The following COLQ variants were observed in gnomAD, a reference collection of about 807,000 sequenced individuals.
COLQ encodes acetylcholinesterase collagenic tail peptide.
A neutral mutation model predicts 69.0 loss-of-function variants in COLQ; 48 were observed. The ratio of observed to expected loss-of-function variants is 0.70; its 90% CI spans 0.55 to 0.88. COLQ has a LOEUF of 0.88. Among genes scored for constraint, COLQ ranks in the 40% least tolerant of loss-of-function variants. The pLI, the probability that COLQ is intolerant of heterozygous loss-of-function variation, is 0.00. For synonymous variants in COLQ, 217 were observed against 211.2 expected (o/e 1.03, Z -0.24); for missense variants, 618 against 594.6 (o/e 1.04, Z -0.41).
At chr3:15,501,610 T>C (rs1460182723) in intron 1 of COLQ, among the ~76,000 whole-genome samples, 1 of 152,218 alleles carries the variant, frequency 6.6e-6, no homozygotes, top group Non-Finnish European at 1.5e-5. Flanking sequence ...TCGGCCAAGC[T>C]TTGGTCAGGT....
chr3:15,473,851 G>A lies in COLQ; in HGVS notation c.636+149C>T, dbSNP rs933837818. ...TGCCACCCTCTCCCCAGGGTGAAAAGCAACTTGCTTCCCGTCCCAAAATAG... is the reference window on the plus strand; with the variant it reads ...TGCCACCCTCTCCCCAGGGTGAAAAACAACTTGCTTCCCGTCCCAAAATAG... On this transcript the variant is annotated intron_variant, in intron 10 of 16. Coordinates refer to ENST00000383788, the MANE Select transcript of COLQ (RefSeq NM_005677.4). The surrounding 1 kb of genome is among the most constrained non-coding windows in gnomAD (Gnocchi z 4.0). The A allele has an allele frequency of 1.6e-5, 14 of 876,566 alleles. No homozygotes were observed. The highest frequency in any genetic ancestry group is 1.2e-4 in the African/African-American group (7 of 59,732). The allele number at this position is 876,566 out of a possible 1,614,324, so 54.3% of individuals were successfully genotyped here.
In COLQ at chr3:15,521,469, C is replaced by T. The variant is rs778924567; in HGVS notation, c.106+51G>A. The T allele has an allele frequency of 3.7e-6, 6 of 1,610,326 alleles. No homozygotes were observed. In the Admixed American group the frequency reaches 5.0e-5, roughly 13 times the overall value. ...ACATTGCAAAACAATCTTCCTTCCTCCCCCTGTCCCCTGACAGATGGAAGA... is the reference window on the plus strand; with the variant it reads ...ACATTGCAAAACAATCTTCCTTCCTTCCCCTGTCCCCTGACAGATGGAAGA... On this transcript the variant is annotated intron_variant, in intron 1 of 16. Transcript: ENST00000383788.
intron 12 of COLQ, among the ~76,000 whole-genome samples, chr3:15,461,776 G>T (rs1171200568): frequency 6.6e-6 from 1 of 152,068 alleles, no homozygotes; most frequent in Non-Finnish European, 1.5e-5. Flanking sequence ...TTAACCTGTG[G>T]TCTACAGAGG....
chr3:15,498,383 A>G (rs924936269), intron 1 of COLQ: 10 of 987,172 alleles, frequency 1.0e-5, no homozygotes, highest in Non-Finnish European at 1.3e-5. Context: ...GAAAAACTTA[A>G]AAAGAAAAAA....
chr3:15,478,899 C>T (rs2062427131), intron 5 of COLQ, 78 bp downstream of exon 5: 2 of 1,556,750 alleles, frequency 1.3e-6, no homozygotes, highest in Admixed American at 1.7e-5. Context: ...CATTGCTGTT[C>T]CCCCCTCCCT....
chr3:15,518,504 G>T (rs1220262066), intron 1 of COLQ, among the ~76,000 whole-genome samples: 1 of 152,172 alleles, frequency 6.6e-6, no homozygotes, highest in Non-Finnish European at 1.5e-5. Flanking sequence ...CTTTAGCGAT[G>T]GCATTTCTAT....
chr3:15,472,290 C>A (rs545537870), intron 10 of COLQ, among the ~76,000 whole-genome samples: 5 of 152,272 alleles, frequency 3.3e-5, no homozygotes, highest in Admixed American at 3.3e-4. Flanking sequence ...TTTAACACTT[C>A]CTTTAATTTG....
intron 1 of COLQ, among the ~76,000 whole-genome samples, chr3:15,515,870 C>T (rs988293985): frequency 6.6e-6 from 1 of 152,178 alleles, no homozygotes; most frequent in African/African-American, 2.4e-5. Flanking sequence ...TTTGGTGTCT[C>T]ATCGAAGCCA....
chr3:15,458,079 T>C, intron 13 of COLQ, 107 bp downstream of exon 13: 4 of 1,237,216 alleles, frequency 3.2e-6, no homozygotes, highest in South Asian at 2.4e-5. Context: ...GTACTCAGAG[T>C]CGTGAAAAAA....
At chr3:15,488,141 C>G (rs2062604539) in intron 3 of COLQ, 65 bp downstream of exon 3, 5 of 1,163,884 alleles carry the variant, frequency 4.3e-6, no homozygotes, top group Non-Finnish European at 6.4e-6. Flanking sequence ...CTAAGAGGCT[C>G]TGTGCAGTGG....
At chr3:15,517,982 G>A (rs921732133) in intron 1 of COLQ, among the ~76,000 whole-genome samples, 4 of 152,094 alleles carry the variant, frequency 2.6e-5, no homozygotes, top group African/African-American at 9.7e-5. Flanking sequence ...TTTCACTCTT[G>A]TTACCCAGGT....
intron 1 of COLQ, among the ~76,000 whole-genome samples, chr3:15,509,493 C>T (rs559954952): frequency 2.6e-5 from 4 of 152,330 alleles, no homozygotes; most frequent in Non-Finnish European, 5.9e-5. Flanking sequence ...GAGCTCCTGC[C>T]TGTGAACTTT....
rs56934790 is a variant in COLQ, at chr3:15,498,649, G to A, written c.107-9012C>T. On this transcript the variant is annotated intron_variant, in intron 1 of 16. Transcript: ENST00000383788. ...ACTAGCCGGAGACAGGCTGAGATTC[G>A]TCACGCCTCTGAGTGCTCCCAGTGC... 1,391 of 1,551,036 alleles carry A rather than the reference G, an allele frequency of 9.0e-4. 11 individuals are homozygous for A. The African/African-American group carries it at 0.016, about 17-fold the overall frequency.
At chr3:15,459,866 T>C (rs766834919) in intron 12 of COLQ, among the ~76,000 whole-genome samples, 20 of 152,040 alleles carry the variant, frequency 1.3e-4, no homozygotes, top group Non-Finnish European at 2.8e-4. Flanking sequence ...TACATATGTA[T>C]ACATGTGCTA....
At chr3:15,495,602 CA>C (rs1370638738) in intron 1 of COLQ, among the ~76,000 whole-genome samples, 1 of 152,174 alleles carries the variant, frequency 6.6e-6, no homozygotes. Flanking sequence ...CCATCAAGGT[CA>C]CAGGGTGACC....
chr3:15,487,079 A>C (rs1396938003), intron 3 of COLQ, among the ~76,000 whole-genome samples: 3 of 152,222 alleles, frequency 2.0e-5, no homozygotes, highest in Admixed American at 6.5e-5. Flanking sequence ...AGAAGAACAG[A>C]TAAGAAAACT....
At chr3:15,498,800 C>A in intron 1 of COLQ, 1 of 1,481,580 alleles carries the variant, frequency 6.7e-7, no homozygotes, top group Non-Finnish European at 8.9e-7. Flanking sequence ...GGCAGCCCTG[C>A]TCCAGCTGCC....
At chr3:15,515,758 A>G (rs1465789198) in intron 1 of COLQ, among the ~76,000 whole-genome samples, 1 of 152,206 alleles carries the variant, frequency 6.6e-6, no homozygotes, top group South Asian at 2.1e-4. Flanking sequence ...GTGAGCTGAG[A>G]TCGTGCCACT....
chr3:15,456,426 G>A, intron 14 of COLQ, 34 bp downstream of exon 14: 1 of 1,612,978 alleles, frequency 6.2e-7, no homozygotes, highest in Non-Finnish European at 8.5e-7. Context: ...CTCCTGGGCA[G>A]GGAGTATGTC....
Sources: allele counts gnomAD v4.1 joint callset (sites outside exome capture counted in the v4.1 genomes callset), GRCh38; gene constraint gnomAD v4.1.1; non-coding constraint Gnocchi (gnomAD v3.1); transcripts MANE v1.5; gene names NCBI Gene and HGNC (gene_info 2026-07-23, HGNC 2026-07-21).